The following POMK variants were observed in gnomAD, a reference collection of about 807,000 sequenced individuals.
POMK encodes Sugen kinase 196.
In POMK, 19 loss-of-function variants were observed where a neutral mutation model predicts 23.0. The observed-to-expected ratio is 0.83, with a 90% CI of 0.58 to 1.21. The LOEUF is 1.21. Among genes scored for constraint, POMK ranks in the 50% most tolerant of loss-of-function variants. The probability of loss-of-function intolerance (pLI) is 0.00; values close to 1 mark genes in which losing one functional copy is unlikely to be tolerated. For missense variants in POMK, 410 were observed against 431.3 expected, an observed-to-expected ratio of 0.95 and a Z score of 0.44; for synonymous variants, 173 against 171.6, an observed-to-expected ratio of 1.01 and a Z score of -0.06.
chr8:43,095,916 T>C (rs1224579539), intron 1 of POMK, among the ~76,000 whole-genome samples: 1 of 152,018 alleles, frequency 6.6e-6, no homozygotes, highest in Non-Finnish European at 1.5e-5. Flanking sequence ...GCTGGGAAAC[T>C]TGGATTGGAG....
At chr8:43,115,254 C>G (rs961032424) in intron 4 of POMK, among the ~76,000 whole-genome samples, 3 of 152,080 alleles carry the variant, frequency 2.0e-5, no homozygotes, top group African/African-American at 7.2e-5. Context: ...AATCCTGGAC[C>G]TCTCGTCTTC....
chr8:43,100,846 A>G (rs1242827369), intron 2 of POMK, among the ~76,000 whole-genome samples: 1 of 151,884 alleles, frequency 6.6e-6, no homozygotes, highest in African/African-American at 2.4e-5. Context: ...CTAAGGGTCA[A>G]GTTGGTGTGA....
chr8:43,106,668 C>A (rs1483800694), intron 4 of POMK, among the ~76,000 whole-genome samples: 1 of 151,908 alleles, frequency 6.6e-6, no homozygotes, highest in Non-Finnish European at 1.5e-5. Flanking sequence ...CACCACCATG[C>A]CTGTATTTTT....
intron 1 of POMK, among the ~76,000 whole-genome samples, chr8:43,096,698 A>G (rs1385460861): frequency 6.6e-6 from 1 of 152,122 alleles, no homozygotes; most frequent in Non-Finnish European, 1.5e-5. Context: ...AAAAAAAGAA[A>G]GCTCTCCCTG....
intron 4 of POMK, among the ~76,000 whole-genome samples, chr8:43,110,235 C>G (rs1311828994): frequency 6.8e-6 from 1 of 147,898 alleles, no homozygotes; most frequent in African/African-American, 2.7e-5. Flanking sequence ...ACTGTTAACT[C>G]AATGACTTTT....
chr8:43,112,218 T>A (rs1811686950), intron 4 of POMK, among the ~76,000 whole-genome samples: 1 of 152,170 alleles, frequency 6.6e-6, no homozygotes, highest in Non-Finnish European at 1.5e-5. Context: ...AGAGAAGTCC[T>A]TAAAGGACCT....
At chr8:43,104,467 C>A (rs573563683) in intron 4 of POMK, among the ~76,000 whole-genome samples, 4 of 152,206 alleles carry the variant, frequency 2.6e-5, no homozygotes, top group African/African-American at 9.6e-5. Flanking sequence ...AAACTAGAAA[C>A]AAAACTTTTA....
At chr8:43,096,589 C>CT (rs1449585455) in intron 1 of POMK, among the ~76,000 whole-genome samples, 4 of 152,134 alleles carry the variant, frequency 2.6e-5, no homozygotes, top group African/African-American at 9.7e-5. Context: ...AGGAGAATCC[C>CT]TTTAACAAGG....
At chr8:43,117,559 G>A (rs1323290366) in intron 4 of POMK, among the ~76,000 whole-genome samples, 1 of 152,116 alleles carries the variant, frequency 6.6e-6, no homozygotes, top group Non-Finnish European at 1.5e-5. Context: ...CAAGGGTCAA[G>A]TATATATAAA....
At position 43,103,616 on chromosome 8, in the gene POMK, T is replaced by C. The variant is rs200277006; in HGVS notation, c.68T>C (p.Leu23Pro). ...APREVPPAVG[L>P]LLIMALMNTL... ...CGAGAGGTGCCGCCAGCTGTTGGGC[T>C]GCTGCTGATCATGGCCCTGATGAAT... Residue 23 changes from leucine to proline, a missense_variant, in exon 4 of 5, where the codon CTG becomes CCG. Physicochemically the swap from Leu to Pro is moderately conservative, Grantham distance 98 (BLOSUM62 -3). Transcript: ENST00000331373. 2.0e-5 allele frequency: 33 copies of C among 1,613,622 alleles called. No individual in the cohort carries two copies. Among genetic ancestry groups the C allele is most frequent in the Admixed American group, 1.0e-4 (6 of 59,942 alleles).
At chr8:43,120,418 G>A (rs1811888960) in intron 4 of POMK, among the ~76,000 whole-genome samples, 1 of 151,606 alleles carries the variant, frequency 6.6e-6, no homozygotes, top group Non-Finnish European at 1.5e-5. Context: ...TTTAGGTTTC[G>A]TCATGTTGGC....
intron 4 of POMK, among the ~76,000 whole-genome samples, chr8:43,114,682 GA>G (rs932953810): frequency 2.6e-5 from 4 of 152,276 alleles, no homozygotes; most frequent in African/African-American, 4.8e-5. Flanking sequence ...TGGAAATGCA[GA>G]AATCACCTGT....
chr8:43,103,943 C>T (rs1488177719), intron 4 of POMK, 113 bp downstream of exon 4: 4 of 1,065,260 alleles, frequency 3.8e-6, no homozygotes, highest in Non-Finnish European at 5.6e-6. Flanking sequence ...TTGTTACTGC[C>T]AAAGTGTACT....
intron 4 of POMK, among the ~76,000 whole-genome samples, chr8:43,115,389 A>G (rs1280335160): frequency 6.6e-6 from 1 of 152,166 alleles, no homozygotes; most frequent in Non-Finnish European, 1.5e-5. Flanking sequence ...AGGCTTCTCA[A>G]ACTCACCACG....
intron 4 of POMK, among the ~76,000 whole-genome samples, chr8:43,108,546 C>T (rs1179689872): frequency 6.6e-6 from 1 of 152,164 alleles, no homozygotes; most frequent in Non-Finnish European, 1.5e-5. Context: ...AGAAATTTCC[C>T]TGACTCTGAA....
intron 4 of POMK, 72 bp downstream of exon 4, chr8:43,103,902 C>A: frequency 6.9e-7 from 1 of 1,440,516 alleles, no homozygotes; most frequent in Non-Finnish European, 9.6e-7. Flanking sequence ...CAGCTCCATC[C>A]ATGCTGGCAC....
At position 43,122,150 on chromosome 8, in the gene POMK, A is replaced by G. The variant is rs766606876; in HGVS notation, c.326A>G (p.Gln109Arg). Reference protein sequence around the residue: ...EWKEHKVALSQLTSLEMKDDF... With the variant: ...EWKEHKVALSRLTSLEMKDDF... ...AAGGAGCACAAAGTTGCACTCTCAC[A>G]GCTCACCAGCCTGGAGATGAAAGAT... Residue 109 changes from glutamine (Q) to arginine (R), a missense_variant, in exon 5 of 5, where the codon CAG (glutamine) becomes CGG (arginine). Gln to Arg is a conservative substitution (Grantham distance 43). Coordinates refer to ENST00000331373, the MANE Select transcript of POMK (RefSeq NM_032237.5). 1.7e-5 allele frequency: 28 copies of G among 1,614,088 alleles called. No individual in the cohort carries two copies. The highest frequency in any genetic ancestry group is 2.4e-5 in the Non-Finnish European group (28 of 1,180,038).
At chr8:43,110,665 C>G (rs1197922265) in intron 4 of POMK, among the ~76,000 whole-genome samples, 1 of 152,170 alleles carries the variant, frequency 6.6e-6, no homozygotes, top group Admixed American at 6.5e-5. Context: ...CGCCTATAAT[C>G]CCAGCACTTT....
chr8:43,113,898 A>G (rs886236596), intron 4 of POMK, among the ~76,000 whole-genome samples: 5 of 152,234 alleles, frequency 3.3e-5, no homozygotes, highest in African/African-American at 1.2e-4. Context: ...TTGCCTGGGT[A>G]CCAGCAGCGG....
Sources: allele counts gnomAD v4.1 joint callset (sites outside exome capture counted in the v4.1 genomes callset), GRCh38; gene constraint gnomAD v4.1.1; transcripts MANE v1.5; gene names NCBI Gene and HGNC (gene_info 2026-07-23, HGNC 2026-07-21).